The following KIF13A variants were observed in gnomAD, a reference collection of about 807,000 sequenced individuals.
KIF13A encodes the protein kinesin family member 13A.
KIF13A carries 79 observed loss-of-function variants against 212.2 expected under a neutral mutation model. That is an observed-to-expected ratio of 0.37 (90% CI 0.31 to 0.45). The LOEUF is 0.45. Among genes scored for constraint, KIF13A ranks in the 20% least tolerant of loss-of-function variants. The pLI is 1.00. For missense variants in KIF13A, 1,901 were observed against 2,209.0 expected (o/e 0.86, Z 2.79); for synonymous variants, 789 against 808.6 (o/e 0.98, Z 0.41).
At chr6:17,903,908 TAGGATCACTTGAGGTGGG>T (rs1462158908) in intron 2 of KIF13A, among the ~76,000 whole-genome samples, 3 of 151,338 alleles carry the variant, frequency 2.0e-5, no homozygotes, top group Non-Finnish European at 3.0e-5. Context: ...GGGAGGTGGT[TAGGATCACTTGAGGTGGG>T]AGGATCACTT....
intron 16 of KIF13A, among the ~76,000 whole-genome samples, chr6:17,818,840 C>A (rs1237910951): frequency 6.6e-6 from 1 of 152,012 alleles, no homozygotes; most frequent in Non-Finnish European, 1.5e-5. Context: ...GGTACTCTTA[C>A]CCCCAATGTT....
chr6:17,821,962 T>C, intron 16 of KIF13A: 1 of 1,528,772 alleles, frequency 6.5e-7, no homozygotes, highest in Non-Finnish European at 8.8e-7. Flanking sequence ...CATCAGCACT[T>C]GCATCAGAGA....
intron 2 of KIF13A, among the ~76,000 whole-genome samples, chr6:17,921,774 T>C (rs557564644): frequency 1.1e-4 from 17 of 152,318 alleles, no homozygotes; most frequent in African/African-American, 3.8e-4. Context: ...AGCCTGCTTC[T>C]GGTTAAACCA....
intron 3 of KIF13A, among the ~76,000 whole-genome samples, chr6:17,880,190 A>G (rs990750200): frequency 3.3e-5 from 5 of 152,156 alleles, no homozygotes; most frequent in Non-Finnish European, 7.3e-5. Context: ...TCCTAGCCTC[A>G]AGTGATCTTC....
intron 16 of KIF13A, among the ~76,000 whole-genome samples, chr6:17,819,076 T>G (rs1234688250): frequency 6.8e-6 from 1 of 147,524 alleles, no homozygotes; most frequent in African/African-American, 2.5e-5. Context: ...CTCGGCTCAC[T>G]GCAAGCTCCA....
At chr6:17,868,244 C>T (rs1179515801) in intron 4 of KIF13A, among the ~76,000 whole-genome samples, 2 of 152,122 alleles carry the variant, frequency 1.3e-5, no homozygotes, top group African/African-American at 4.8e-5. Flanking sequence ...ATGAAGATTT[C>T]TGTAGAGCTG....
At chr6:17,913,281 T>A (rs1480773025) in intron 2 of KIF13A, among the ~76,000 whole-genome samples, 1 of 152,086 alleles carries the variant, frequency 6.6e-6, no homozygotes, top group Admixed American at 6.6e-5. Flanking sequence ...TTCTATGGGT[T>A]TGGGAAACTC....
intron 2 of KIF13A, among the ~76,000 whole-genome samples, chr6:17,920,639 C>T (rs949866410): frequency 3.3e-5 from 5 of 152,022 alleles, no homozygotes; most frequent in Non-Finnish European, 5.9e-5. Context: ...TTTGGGAGGC[C>T]GAGGTGGGTG....
Position 17,764,614 on chromosome 6 carries a change from T to C in KIF13A, c.4914A>G (p.Pro1638=), listed in dbSNP as rs1758779331. 6.2e-7 allele frequency: 1 copy of C among 1,613,966 alleles called. No homozygotes were observed. The highest frequency in any genetic ancestry group is 8.5e-7 in the Non-Finnish European group (1 of 1,179,884). ...KDADSTEHST[P]SLVHDFRPSS... Reference sequence around the variant, plus strand: ...ACGGCCTGAAATCATGCACAAGCGATGGTGTGGAGTGCTCGGTGGAGTCTG... The same window carrying C: ...ACGGCCTGAAATCATGCACAAGCGACGGTGTGGAGTGCTCGGTGGAGTCTG... The change falls in exon 39 of 39, where the codon CCA becomes CCG. Residue 1638 remains proline (P), a synonymous_variant. Transcript: ENST00000259711. The surrounding 1 kb of genome is among the most constrained non-coding windows in gnomAD (Gnocchi z 5.1).
At chr6:17,940,826 T>TA (rs1368950409) in intron 2 of KIF13A, among the ~76,000 whole-genome samples, 4 of 149,494 alleles carry the variant, frequency 2.7e-5, no homozygotes, top group South Asian at 2.1e-4. Flanking sequence ...TATTTTTTTT[T>TA]TTTTTTTTTT....
intron 26 of KIF13A, among the ~76,000 whole-genome samples, chr6:17,788,503 C>T (rs532294828): frequency 2.6e-5 from 4 of 152,286 alleles, no homozygotes; most frequent in Admixed American, 6.5e-5. Context: ...TGCCAGGAAG[C>T]GCACAAACAG....
At chr6:17,859,623 TA>T in intron 4 of KIF13A, among the ~76,000 whole-genome samples, 3 of 105,536 alleles carry the variant, frequency 2.8e-5, no homozygotes, top group African/African-American at 5.3e-5. Flanking sequence ...ATGTATTTTA[TA>T]TATATATATA....
Position 17,837,688 on chromosome 6 carries a change from A to C in KIF13A, c.831-105T>G. The C allele has an allele frequency of 5.1e-6, 4 of 791,908 alleles. No homozygotes were observed. Among genetic ancestry groups the C allele is most frequent in the South Asian group, 1.7e-5 (1 of 58,584 alleles). The allele number at this position is 791,908 out of a possible 1,614,324, so 49.1% of individuals were successfully genotyped here. The stretch of plus-strand genomic sequence containing the variant: ...CACAGTTAATACACGTTGGTGGCTC[A>C]CGCCCGTAATCCCAGCACTTTGGGA... On this transcript the variant is annotated intron_variant, in intron 9 of 38. Transcript: ENST00000259711. The surrounding 1 kb of genome is among the most constrained non-coding windows in gnomAD (Gnocchi z 5.4).
chr6:17,873,266 C>G (rs1342048803), intron 4 of KIF13A, 111 bp downstream of exon 4: 4 of 690,730 alleles, frequency 5.8e-6, no homozygotes, highest in Non-Finnish European at 9.7e-6. Flanking sequence ...TTGGAAAGAA[C>G]AGGTGTGAAT....
chr6:17,822,292 C>T lies in KIF13A; in HGVS notation c.1786+3476G>A, dbSNP rs984048525. Among the ~76,000 whole-genome samples the T allele has an allele frequency of 5.9e-5, 9 of 152,108 alleles. 1 individual carries two copies. The highest frequency in any genetic ancestry group is 5.9e-4 in the Admixed American group (9 of 15,268). ...TCCTGACCTCAAGTGATCCGTCCAC[C>T]TCAGCCTCCCAAAGTGCTGGGATTA... On this transcript the variant is annotated intron_variant, in intron 16 of 38. Transcript: ENST00000259711.
At chr6:17,952,025 C>T (rs1040043634) in intron 2 of KIF13A, among the ~76,000 whole-genome samples, 8 of 152,106 alleles carry the variant, frequency 5.3e-5, no homozygotes, top group Middle Eastern at 3.4e-3. Flanking sequence ...TATAGTTTGC[C>T]GGGCGTGGTG....
In KIF13A at chr6:17,764,092, A is replaced by T. The variant is rs910924157; in HGVS notation, c.*18T>A. 5.0e-6 allele frequency: 8 copies of T among 1,605,470 alleles called. No homozygotes were observed. The African/African-American group carries it at 6.7e-5, about 13-fold the overall frequency. On this transcript the variant is annotated 3_prime_UTR_variant, in exon 39 of 39. Transcript: ENST00000259711. The surrounding 1 kb of genome is among the most constrained non-coding windows in gnomAD (Gnocchi z 5.1). ...TTGCGGTGAAGGGCCTCTGGGGTTG[A>T]CATACAGTTAGACATACTCATTGAC...
At position 17,850,560 on chromosome 6, in the gene KIF13A, A is replaced by C. The variant is rs1581520903; in HGVS notation, c.583-103T>G. On this transcript the variant is annotated intron_variant, in intron 7 of 38. Transcript: ENST00000259711. This position sits in a 1 kb window ranked among gnomAD's most constrained non-coding sequence, Gnocchi z 6.2. ...TTATGATTCCTCTGATGCCTTTGTC[A>C]CCACCCTTCCATAGAAACCTCCCTG... is the stretch of plus-strand genomic sequence containing the variant. 8.4e-7 allele frequency: 1 copy of C among 1,195,324 alleles called. No individual in the cohort carries two copies. The allele number at this position is 1,195,324 out of a possible 1,614,324, so 74.0% of individuals were successfully genotyped here. A position where few individuals can be genotyped will look rare whatever the true frequency, so the allele number is the denominator to read the frequency against.
chr6:17,903,868 C>T (rs972455503), intron 2 of KIF13A, among the ~76,000 whole-genome samples: 1 of 152,028 alleles, frequency 6.6e-6, no homozygotes, highest in East Asian at 1.9e-4. Context: ...TGCCAGGCGG[C>T]GTGGCTCATG....
Sources: gnomAD v4.1 joint callset for allele counts (sites outside exome capture counted in the v4.1 genomes callset) on GRCh38, gnomAD v4.1.1 for gene constraint, Gnocchi (gnomAD v3.1) non-coding constraint, MANE v1.5 for transcripts, NCBI Gene and HGNC (gene_info 2026-07-23, HGNC 2026-07-21) for gene names.